MAP2K4: variants seen among roughly 807,000 people sequenced by gnomAD.
MAP2K4 encodes mitogen-activated protein kinase kinase 4, also known as dual specificity mitogen-activated protein kinase kinase 4.
Under a neutral mutation model 48.5 loss-of-function variants are expected in MAP2K4, and 4 were observed. That is an observed-to-expected ratio of 0.08 (90% confidence interval 0.04 to 0.19). MAP2K4 has a LOEUF of 0.19. Ranked by LOEUF, MAP2K4 falls within the 10% of genes least tolerant of loss-of-function variation. The probability of loss-of-function intolerance (pLI) is 1.00; values close to 1 mark genes in which losing one functional copy is unlikely to be tolerated. For synonymous variants in MAP2K4, 166 were observed against 173.1 expected, an observed-to-expected ratio of 0.96 and a Z score of 0.32; for missense variants, 258 against 493.3, an observed-to-expected ratio of 0.52 and a Z score of 4.52.
At chr17:12,121,995 G>A (rs917981774) in intron 7 of MAP2K4, among the ~76,000 whole-genome samples, 1 of 152,108 alleles carries the variant, frequency 6.6e-6, no homozygotes, top group African/African-American at 2.4e-5. Flanking sequence ...TATTTCTAAG[G>A]AGTTCATGGT....
At chr17:12,125,208 T>C (rs2151587363) in intron 7 of MAP2K4, 86 bp from the exon 8 acceptor site, 1 of 891,950 alleles carries the variant, frequency 1.1e-6, no homozygotes, top group Non-Finnish European at 1.9e-6. Flanking sequence ...TACTGGCATT[T>C]TGGCTGTCTA....
At chr17:12,125,689 G>C (rs1972831175) in intron 8 of MAP2K4, among the ~76,000 whole-genome samples, 1 of 152,180 alleles carries the variant, frequency 6.6e-6, no homozygotes, top group Non-Finnish European at 1.5e-5. Context: ...CTTACCTGCA[G>C]TCAATTCATT....
chr17:12,095,929 A>G (rs949070920), intron 4 of MAP2K4, among the ~76,000 whole-genome samples: 19 of 115,654 alleles, frequency 1.6e-4, no homozygotes, highest in Admixed American at 5.2e-4. Context: ...GTGTGTGTGT[A>G]TTTTAGTATT....
intron 6 of MAP2K4, among the ~76,000 whole-genome samples, chr17:12,112,565 G>A (rs1200702906): frequency 1.4e-5 from 2 of 146,626 alleles, no homozygotes; most frequent in African/African-American, 5.0e-5. Flanking sequence ...GAATTTTTTT[G>A]TGGATCACCT....
chr17:12,074,921 T>A (rs567779949), intron 2 of MAP2K4, among the ~76,000 whole-genome samples: 1 of 152,310 alleles, frequency 6.6e-6, no homozygotes, highest in East Asian at 1.9e-4. Context: ...TCCAGTGTCT[T>A]CCAGATTGCC....
chr17:12,126,921 CTCT>C (rs2151589311), intron 8 of MAP2K4, among the ~76,000 whole-genome samples: 1 of 152,174 alleles, frequency 6.6e-6, no homozygotes, highest in Non-Finnish European at 1.5e-5. Flanking sequence ...CAGGCCAATC[CTCT>C]TCTTTCATTT....
rs371645792 is a variant in MAP2K4, at chr17:12,106,339, G to A, written c.514-1451G>A. 1.0e-3 allele frequency among the ~76,000 whole-genome samples: 153 copies of A among 152,246 alleles called. 4 individuals are homozygous for A. In the South Asian group the frequency reaches 0.03, roughly 30 times the overall value. ...CTAAAGAAAAAGAGATTTACAGAGA[G>A]AAGAAAGATTTAAATGCAGAAATAA... On this transcript the variant is annotated intron_variant, in intron 4 of 10. Coordinates refer to ENST00000353533, the MANE Select transcript of MAP2K4 (RefSeq NM_003010.4).
chr17:12,141,591 G>A lies in MAP2K4; in HGVS notation c.*331G>A, dbSNP rs1973379726. The A allele has an allele frequency of 3.1e-6, 1 of 319,608 alleles. No individual in the cohort carries two copies. Among genetic ancestry groups the A allele is most frequent in the East Asian group, 4.8e-5 (1 of 20,838 alleles). The allele number at this position is 319,608 out of a possible 1,614,324, so 19.8% of individuals were successfully genotyped here. ...TTCATTTCTAGACTCAAAACCTGGA[G>A]ATGCAGCTACTGGAATGGTGTTTTG... On this transcript the variant is annotated 3_prime_UTR_variant, in exon 11 of 11. Coordinates refer to ENST00000353533, the MANE Select transcript of MAP2K4 (RefSeq NM_003010.4).
At chr17:12,094,010 A>G (rs1374410156) in intron 3 of MAP2K4, among the ~76,000 whole-genome samples, 7 of 152,198 alleles carry the variant, frequency 4.6e-5, no homozygotes, top group Admixed American at 4.6e-4. Context: ...GCTGAAGTTG[A>G]TTTAAAAGTA....
chr17:12,073,876 A>G (rs1970905424), intron 2 of MAP2K4, among the ~76,000 whole-genome samples: 1 of 150,020 alleles, frequency 6.7e-6, no homozygotes. Flanking sequence ...CGGGTTGAAG[A>G]GATTCTACTG....
At chr17:12,082,004 G>C in intron 3 of MAP2K4, 1 of 522,326 alleles carries the variant, frequency 1.9e-6, no homozygotes, top group Non-Finnish European at 4.0e-6. Context: ...GTCCTGACCG[G>C]CTCGGCTTCT....
intron 5 of MAP2K4, among the ~76,000 whole-genome samples, chr17:12,108,519 G>A (rs1972200847): frequency 1.3e-5 from 2 of 151,506 alleles, no homozygotes; most frequent in South Asian, 4.2e-4. Flanking sequence ...TTATAGTTTT[G>A]AAAGTGAATT....
intron 4 of MAP2K4, among the ~76,000 whole-genome samples, chr17:12,104,055 T>TA (rs1436536154): frequency 6.6e-6 from 1 of 152,232 alleles, no homozygotes; most frequent in Non-Finnish European, 1.5e-5. Flanking sequence ...TTACTAAATT[T>TA]AATGATACAA....
intron 9 of MAP2K4, among the ~76,000 whole-genome samples, chr17:12,135,111 G>A (rs1484178593): frequency 2.6e-5 from 4 of 151,930 alleles, no homozygotes; most frequent in Non-Finnish European, 5.9e-5. Flanking sequence ...GTTTTGAGAC[G>A]GACTTTTGCT....
At chr17:12,054,002 C>T (rs1347284361) in intron 1 of MAP2K4, among the ~76,000 whole-genome samples, 1 of 152,078 alleles carries the variant, frequency 6.6e-6, no homozygotes, top group African/African-American at 2.4e-5. Context: ...TTAAAAAATT[C>T]AGTTCTGTTA....
At position 12,107,854 on chromosome 17, in the gene MAP2K4, A is replaced by G; in HGVS notation, c.578A>G (p.Tyr193Cys). Residue 193 changes from tyrosine to cysteine, a missense_variant, in exon 5 of 11, where the codon TAT becomes TGT. By Grantham distance (194) the Tyr-to-Cys change is radical. Transcript: ENST00000353533. ...TTTGATAAGTTTTACAAATATGTATATAGTGTATTAGATGATGTTATTCCA... is the reference window on the plus strand; with the variant it reads ...TTTGATAAGTTTTACAAATATGTATGTAGTGTATTAGATGATGTTATTCCA... Reference protein sequence around the residue: ...TSFDKFYKYVYSVLDDVIPEE... With the variant: ...TSFDKFYKYVCSVLDDVIPEE... 6.2e-7 allele frequency: 1 copy of G among 1,605,376 alleles called. No homozygotes were observed. Among genetic ancestry groups the G allele is most frequent in the Non-Finnish European group, 8.5e-7 (1 of 1,175,618 alleles).
intron 9 of MAP2K4, among the ~76,000 whole-genome samples, chr17:12,132,123 A>T (rs1973046428): frequency 6.6e-6 from 1 of 152,228 alleles, no homozygotes; most frequent in African/African-American, 2.4e-5. Flanking sequence ...GAAGTCTCAT[A>T]CATAACTTGT....
rs1291413735 is a variant in MAP2K4 at position 12,044,266 on chromosome 17, G to A, written c.116-10623G>A. On this transcript the variant is annotated intron_variant, in intron 1 of 10. Coordinates refer to ENST00000353533, the MANE Select transcript of MAP2K4 (RefSeq NM_003010.4). ...AAGAGTGGTAATCCCATAATGGGTT[G>A]TCTACTGGATTGGTGATTTTTCTGT... Among the ~76,000 whole-genome samples the A allele has an allele frequency of 2.6e-5, 4 of 152,344 alleles. No homozygotes were observed. The East Asian group carries it at 7.7e-4, about 29-fold the overall frequency.
At chr17:12,095,547 T>C in intron 3 of MAP2K4, 28 bp from the exon 4 acceptor site, 1 of 1,612,856 alleles carries the variant, frequency 6.2e-7, no homozygotes, top group Non-Finnish European at 8.5e-7. Flanking sequence ...ATTGTGTTTT[T>C]TTGACATCTT....
Sources: gnomAD v4.1 joint callset for allele counts (sites outside exome capture counted in the v4.1 genomes callset) on GRCh38, gnomAD v4.1.1 for gene constraint, MANE v1.5 for transcripts, NCBI Gene and HGNC (gene_info 2026-07-23, HGNC 2026-07-21) for gene names.